Variants in CCDC186 observed in about 807,000 individuals in gnomAD.
CCDC186 encodes the protein coiled-coil domain-containing protein 186.
CCDC186 carries 49 observed loss-of-function variants against 113.7 expected under a neutral mutation model. The ratio of observed to expected loss-of-function variants is 0.43; its 90% confidence interval spans 0.34 to 0.55. The LOEUF (loss-of-function observed/expected upper bound fraction) is 0.55. CCDC186 is among the 20% of genes least tolerant of loss of function. CCDC186 has a pLI of 0.02. For synonymous variants in CCDC186, 355 were observed against 345.8 expected, an observed-to-expected ratio of 1.03 and a Z score of -0.30; for missense variants, 890 against 1,011.1, an observed-to-expected ratio of 0.88 and a Z score of 1.62.
At chr10:114,167,549 T>G (rs2032371853) in intron 1 of CCDC186, among the ~76,000 whole-genome samples, 1 of 152,006 alleles carries the variant, frequency 6.6e-6, no homozygotes, top group Admixed American at 6.6e-5. Context: ...CAAGCTTTTT[T>G]GGGGGAGAGA....
At chr10:114,149,462 T>G (rs2031744189) in intron 4 of CCDC186, among the ~76,000 whole-genome samples, 1 of 151,692 alleles carries the variant, frequency 6.6e-6, no homozygotes, top group Non-Finnish European at 1.5e-5. Context: ...ATGTTTGAAC[T>G]GCTACCATGT....
rs1443629581 is a variant in CCDC186, at chr10:114,120,887, A to G, written c.*4256T>C. The stretch of plus-strand genomic sequence containing the variant: ...TTGGTAAATAGGCATTACCTATTTA[A>G]TAAGTACAATATATACATAGAATCC... On this transcript the variant is annotated 3_prime_UTR_variant, in exon 16 of 16. Transcript: ENST00000369287. 6.6e-6 allele frequency: 1 copy of G among 152,240 alleles called. No individual in the cohort carries two copies. Among genetic ancestry groups the G allele is most frequent in the African/African-American group, 2.4e-5 (1 of 41,464 alleles). 9.4% of individuals were successfully genotyped at this position (152,240 alleles called of 1,614,324 possible).
intron 6 of CCDC186, 35 bp from the exon 7 acceptor site, chr10:114,137,325 C>T (rs2031296995): frequency 2.7e-6 from 4 of 1,501,802 alleles, no homozygotes; most frequent in Non-Finnish European, 1.9e-6. Context: ...CAGTTGGGTA[C>T]AGCAACGTGA....
chr10:114,161,121 A>G (rs2032156816), intron 2 of CCDC186, among the ~76,000 whole-genome samples: 1 of 152,180 alleles, frequency 6.6e-6, no homozygotes, highest in Non-Finnish European at 1.5e-5. Flanking sequence ...AAGAGAAACC[A>G]ATTTTCTACC....
intron 13 of CCDC186, among the ~76,000 whole-genome samples, chr10:114,128,947 A>G (rs1253362439): frequency 1.3e-5 from 2 of 152,218 alleles, no homozygotes; most frequent in Non-Finnish European, 2.9e-5. Flanking sequence ...GAATTAACGT[A>G]AATTTCAATT....
intron 6 of CCDC186, among the ~76,000 whole-genome samples, chr10:114,138,290 C>CTTTT (rs1485512795): frequency 1.0e-5 from 1 of 98,106 alleles, no homozygotes; most frequent in African/African-American, 4.0e-5. Flanking sequence ...AACATAAAAA[C>CTTTT]TTTTTTTTTT....
chr10:114,142,551 G>A (rs2119758612), intron 6 of CCDC186, among the ~76,000 whole-genome samples: 1 of 152,334 alleles, frequency 6.6e-6, no homozygotes, highest in East Asian at 1.9e-4. Flanking sequence ...CCAAATAAAA[G>A]GCTTCTGTTT....
In CCDC186 at chr10:114,147,176, A is replaced by G. The variant is rs983241433; in HGVS notation, c.889-1415T>C. ...ATAGCTCAATGTCAACTTTAAGAGA[A>G]GTCTGGTTTCATAATAATTTAATAT... On this transcript the variant is annotated intron_variant, in intron 4 of 15. Coordinates refer to ENST00000369287, the MANE Select transcript of CCDC186 (RefSeq NM_018017.4). Among the ~76,000 whole-genome samples, 6 of 152,206 alleles carry G rather than the reference A, an allele frequency of 3.9e-5. No homozygotes were observed. In the South Asian group the frequency reaches 6.2e-4, roughly 16 times the overall value.
intron 13 of CCDC186, 107 bp from the exon 14 acceptor site, chr10:114,127,778 T>C (rs2030955186): frequency 2.8e-6 from 3 of 1,054,578 alleles, no homozygotes; most frequent in East Asian, 2.6e-5. Context: ...TCTAACAGAG[T>C]TGGACACAGA....
intron 7 of CCDC186, 134 bp from the exon 8 acceptor site, chr10:114,136,380 T>C (rs1269171230): frequency 1.7e-6 from 1 of 596,002 alleles, no homozygotes; most frequent in Admixed American, 3.1e-5. Flanking sequence ...AAGTTCTGTT[T>C]AGAAATAACT....
chr10:114,126,415 G>A (rs1386138128), intron 14 of CCDC186, among the ~76,000 whole-genome samples: 1 of 152,200 alleles, frequency 6.6e-6, no homozygotes, highest in Admixed American at 6.5e-5. Context: ...GGAGTGCAGT[G>A]ACACAAACAT....
At chr10:114,148,868 C>T (rs1259882276) in intron 4 of CCDC186, among the ~76,000 whole-genome samples, 1 of 152,148 alleles carries the variant, frequency 6.6e-6, no homozygotes, top group African/African-American at 2.4e-5. Flanking sequence ...ATGAGGAAAC[C>T]TCAATCTGGA....
chr10:114,173,551 AGT>A (rs1333126420), intron 1 of CCDC186, among the ~76,000 whole-genome samples: 2 of 152,226 alleles, frequency 1.3e-5, no homozygotes, highest in Non-Finnish European at 2.9e-5. Context: ...CAGTAATGGA[AGT>A]GTTTGGAAGA....
At chr10:114,141,092 G>T (rs1039217912) in intron 6 of CCDC186, among the ~76,000 whole-genome samples, 3 of 151,560 alleles carry the variant, frequency 2.0e-5, no homozygotes, top group African/African-American at 7.3e-5. Flanking sequence ...TGGGGACCTC[G>T]CTATGTTGCC....
chr10:114,143,621 C>T (rs1192970340), intron 6 of CCDC186, among the ~76,000 whole-genome samples: 2 of 152,146 alleles, frequency 1.3e-5, no homozygotes, highest in Non-Finnish European at 2.9e-5. Context: ...TACCTTTGAC[C>T]ACTGTCAACA....
At chr10:114,159,193 G>C (rs748587435) in intron 2 of CCDC186, among the ~76,000 whole-genome samples, 1 of 152,152 alleles carries the variant, frequency 6.6e-6, no homozygotes, top group Non-Finnish European at 1.5e-5. Context: ...TTATGACACA[G>C]TGGTTTAACT....
At chr10:114,171,739 T>G (rs1020001370) in intron 1 of CCDC186, among the ~76,000 whole-genome samples, 2 of 152,212 alleles carry the variant, frequency 1.3e-5, no homozygotes, top group Non-Finnish European at 2.9e-5. Flanking sequence ...GATTATGTAG[T>G]AAGTGCGGTA....
intron 2 of CCDC186, 32 bp from the exon 3 acceptor site, chr10:114,157,712 A>G (rs2032053569): frequency 6.7e-7 from 1 of 1,488,224 alleles, no homozygotes; most frequent in African/African-American, 1.4e-5. Context: ...TATGTAAAAC[A>G]TAATTTAAAA....
At chr10:114,125,416 C>G (rs1437564273) in intron 15 of CCDC186, among the ~76,000 whole-genome samples, 190 bp from the exon 16 acceptor site, 1 of 152,152 alleles carries the variant, frequency 6.6e-6, no homozygotes, top group Non-Finnish European at 1.5e-5. Flanking sequence ...CAAAGTAACA[C>G]TCAAACTTTC....
Sources: allele counts gnomAD v4.1 joint callset (sites outside exome capture counted in the v4.1 genomes callset), GRCh38; gene constraint gnomAD v4.1.1; transcripts MANE v1.5; gene names NCBI Gene and HGNC (gene_info 2026-07-23, HGNC 2026-07-21).